Variants in PTPRD observed in about 807,000 individuals in gnomAD.
PTPRD encodes receptor-type tyrosine-protein phosphatase delta.
A neutral mutation model predicts 214.5 loss-of-function variants in PTPRD; 34 were observed. That is an observed-to-expected ratio of 0.16 (90% CI 0.12 to 0.21). PTPRD has a LOEUF of 0.21. Ranked by LOEUF, PTPRD falls within the 10% of genes least tolerant of loss-of-function variation. The pLI, the probability that PTPRD is intolerant of heterozygous loss-of-function variation, is 1.00. For missense variants in PTPRD, 2,545 were observed against 2,398.7 expected (o/e 1.06, Z -1.27); for synonymous variants, 1,128 against 845.7 (o/e 1.33, Z -5.79).
chr9:10,439,738 C>A (rs2098746836), intron 2 of PTPRD, among the ~76,000 whole-genome samples: 1 of 151,764 alleles, frequency 6.6e-6, no homozygotes, highest in African/African-American at 2.4e-5. Context: ...CTACTTTTCA[C>A]AGCCCTCTCC....
chr9:10,248,949 A>G (rs761243376), intron 3 of PTPRD, among the ~76,000 whole-genome samples: 9 of 151,900 alleles, frequency 5.9e-5, no homozygotes, highest in Non-Finnish European at 1.2e-4. Context: ...GGGAATTCAT[A>G]TTTACCTAAG....
At chr9:9,540,259 C>T (rs1249715340) in intron 8 of PTPRD, among the ~76,000 whole-genome samples, 1 of 124,578 alleles carries the variant, frequency 8.0e-6, no homozygotes, top group African/African-American at 3.1e-5. Context: ...TCATTTAACA[C>T]ATTTTACTAC....
At chr9:10,522,044 C>A (rs1187927329) in intron 2 of PTPRD, among the ~76,000 whole-genome samples, 1 of 152,008 alleles carries the variant, frequency 6.6e-6, no homozygotes, top group African/African-American at 2.4e-5. Context: ...TATATCCACA[C>A]ACTCATAGAT....
At chr9:10,181,518 G>T (rs1213952209) in intron 3 of PTPRD, among the ~76,000 whole-genome samples, 1 of 151,522 alleles carries the variant, frequency 6.6e-6, no homozygotes, top group Admixed American at 6.6e-5. Context: ...TTTTTTAAGA[G>T]ACTTCACAAA....
rs2051732472 is a variant in PTPRD at position 9,823,941 on chromosome 9, TAC to T, written c.-367-57092_-367-57091del. 5.9e-5 allele frequency among the ~76,000 whole-genome samples: 9 copies of T among 152,182 alleles called. No homozygotes were observed. The South Asian group carries it at 1.9e-3, about 32-fold the overall frequency. Reference sequence around the variant, plus strand: ...ATCTCAATTATGTTGATTTGATCATTACACATTTTATGTTTGTATCAAAATAT... The same window carrying T: ...ATCTCAATTATGTTGATTTGATCATTACATTTTATGTTTGTATCAAAATAT... On this transcript the variant is annotated intron_variant, in intron 5 of 45. Transcript: ENST00000381196.
intron 9 of PTPRD, among the ~76,000 whole-genome samples, chr9:9,384,343 C>CTTGTTTTTTT (rs2063209498): frequency 6.0e-5 from 2 of 33,316 alleles, no homozygotes; most frequent in African/African-American, 7.6e-5. Flanking sequence ...GAAGACTAGG[C>CTTGTTTTTTT]TTTTTTTTTT....
intron 2 of PTPRD, among the ~76,000 whole-genome samples, chr9:10,588,462 T>C (rs1178842272): frequency 7.7e-5 from 7 of 90,328 alleles, no homozygotes; most frequent in Non-Finnish European, 1.9e-4. Flanking sequence ...ACACTCACAA[T>C]GATAGTTATA....
At chr9:10,417,154 T>C (rs773942975) in intron 2 of PTPRD, among the ~76,000 whole-genome samples, 8 of 151,894 alleles carry the variant, frequency 5.3e-5, no homozygotes, top group Non-Finnish European at 1.0e-4. Context: ...TTCCAATTTA[T>C]GGCAAGAATT....
intron 11 of PTPRD, among the ~76,000 whole-genome samples, chr9:8,812,820 A>G (rs1164485495): frequency 6.6e-6 from 1 of 151,934 alleles, no homozygotes; most frequent in African/African-American, 2.4e-5. Flanking sequence ...GTTTAGAAAA[A>G]GATCTAGTTG....
intron 5 of PTPRD, among the ~76,000 whole-genome samples, chr9:9,824,055 G>A (rs1322500798): frequency 6.6e-6 from 1 of 151,812 alleles, no homozygotes; most frequent in Non-Finnish European, 1.5e-5. Flanking sequence ...TTAGTTTCAT[G>A]CACAAAATTA....
rs189128386 is a variant in PTPRD at position 9,036,460 on chromosome 9, G to C, written c.-142-17725C>G. 2.8e-3 allele frequency among the ~76,000 whole-genome samples: 433 copies of C among 152,186 alleles called. 2 individuals are homozygous for C. The highest frequency in any genetic ancestry group is 4.7e-3 in the Non-Finnish European group (317 of 67,988). On this transcript the variant is annotated intron_variant, in intron 10 of 45. Coordinates refer to ENST00000381196, the MANE Select transcript of PTPRD (RefSeq NM_002839.4). ...GATATTAAATATAATGTAAATCCTA[G>C]ATGGGATTCTGGAATAGCAAAAGGG...
At chr9:9,651,481 G>A (rs988916534) in intron 7 of PTPRD, among the ~76,000 whole-genome samples, 2 of 152,070 alleles carry the variant, frequency 1.3e-5, no homozygotes, top group Non-Finnish European at 2.9e-5. Flanking sequence ...ACTTGCAAGC[G>A]AGAACATGTG....
intron 11 of PTPRD, among the ~76,000 whole-genome samples, chr9:8,953,964 A>G (rs1384555795): frequency 1.3e-5 from 2 of 152,002 alleles, no homozygotes; most frequent in South Asian, 2.1e-4. Flanking sequence ...AAACAGTGCT[A>G]TAATTCAACC....
chr9:10,552,968 T>C (rs1046382931), intron 2 of PTPRD, among the ~76,000 whole-genome samples: 3 of 152,206 alleles, frequency 2.0e-5, no homozygotes, highest in African/African-American at 7.2e-5. Context: ...ATGGAGTTTA[T>C]GATGACTATT....
At chr9:9,836,852 G>T (rs551937150) in intron 5 of PTPRD, among the ~76,000 whole-genome samples, 2 of 152,130 alleles carry the variant, frequency 1.3e-5, no homozygotes, top group South Asian at 2.1e-4. Context: ...ACCATGTAAT[G>T]GTTCAATAAA....
chr9:9,342,693 T>C (rs1430069795), intron 9 of PTPRD, among the ~76,000 whole-genome samples: 1 of 139,866 alleles, frequency 7.1e-6, no homozygotes, highest in African/African-American at 2.7e-5. Context: ...GTCTCACAAA[T>C]TGTATATCTC....
intron 3 of PTPRD, among the ~76,000 whole-genome samples, chr9:10,256,600 C>T (rs760759207): frequency 2.4e-4 from 37 of 152,080 alleles, no homozygotes; most frequent in Non-Finnish European, 4.3e-4. Context: ...TTGAGCTATC[C>T]TTGCCTTACA....
chr9:8,941,685 C>T (rs2099034762), intron 11 of PTPRD, among the ~76,000 whole-genome samples: 1 of 152,080 alleles, frequency 6.6e-6, no homozygotes, highest in Admixed American at 6.5e-5. Context: ...AGAAAGCTGT[C>T]AGTGAGTTAA....
chr9:9,265,416 G>C (rs1369137437), intron 9 of PTPRD, among the ~76,000 whole-genome samples: 2 of 151,392 alleles, frequency 1.3e-5, no homozygotes, highest in Non-Finnish European at 3.0e-5. Context: ...ACCACACCTA[G>C]CGTTTTTTTG....
Sources: allele counts gnomAD v4.1 joint callset (sites outside exome capture counted in the v4.1 genomes callset), GRCh38; gene constraint gnomAD v4.1.1; transcripts MANE v1.5; gene names NCBI Gene and HGNC (gene_info 2026-07-23, HGNC 2026-07-21).